The following ATP8A2 variants were observed in gnomAD, a reference collection of about 807,000 sequenced individuals.
ATP8A2 encodes the protein phospholipid-transporting ATPase IB.
ATP8A2 carries 100 observed loss-of-function variants against 165.6 expected under a neutral mutation model. The ratio of observed to expected loss-of-function variants is 0.60; its 90% confidence interval spans 0.51 to 0.71. ATP8A2 has a LOEUF of 0.71. Ranked by LOEUF, ATP8A2 falls within the 30% of genes least tolerant of loss-of-function variation. The pLI, the probability that ATP8A2 is intolerant of heterozygous loss-of-function variation, is 0.00. For synonymous variants in ATP8A2, 543 were observed against 548.8 expected (o/e 0.99, Z 0.15); for missense variants, 1,227 against 1,479.5 (o/e 0.83, Z 2.80).
At chr13:25,425,335 C>A (rs2034414731) in intron 1 of ATP8A2, among the ~76,000 whole-genome samples, 1 of 152,004 alleles carries the variant, frequency 6.6e-6, no homozygotes. Context: ...CCCAGCACCC[C>A]CCAATGCCTG....
At chr13:25,797,871 G>T (rs1950529184) in intron 27 of ATP8A2, among the ~76,000 whole-genome samples, 1 of 152,000 alleles carries the variant, frequency 6.6e-6, no homozygotes, top group South Asian at 2.1e-4. Context: ...ATAACTGAAG[G>T]GAGAAATTGT....
chr13:25,393,133 C>CTTTTTTTT (rs113512127), intron 1 of ATP8A2, among the ~76,000 whole-genome samples: 27 of 138,624 alleles, frequency 1.9e-4, no homozygotes, highest in African/African-American at 6.3e-4. Flanking sequence ...TATTTACATA[C>CTTTTTTTT]TTTTTTTTTT....
At chr13:25,590,757 A>G (rs1370632004) in intron 24 of ATP8A2, among the ~76,000 whole-genome samples, 1 of 152,212 alleles carries the variant, frequency 6.6e-6, no homozygotes, top group Non-Finnish European at 1.5e-5. Context: ...AAGGGAGGCA[A>G]TAAAGTACAG....
At position 25,886,631 on chromosome 13, in the gene ATP8A2, G is replaced by A. The variant is rs306423; in HGVS notation, c.3183+24223G>A. ...GGGAAGCCTCTGAGAGCGCGGCTTC[G>A]TGGGGCAGAGCATCTCCCAGGCCCA... is the stretch of plus-strand genomic sequence containing the variant. On this transcript the variant is annotated intron_variant, in intron 33 of 36. Coordinates refer to ENST00000381655, the MANE Select transcript of ATP8A2 (RefSeq NM_016529.6). Among the ~76,000 whole-genome samples, 717 of 152,318 alleles carry A rather than the reference G, an allele frequency of 4.7e-3. 2 individuals are homozygous for A. The highest frequency in any genetic ancestry group is 0.016 in the African/African-American group (675 of 41,568).
At chr13:25,465,700 TTTCTTTCTTTCTTTCTTTC>T (rs2035626758) in intron 1 of ATP8A2, among the ~76,000 whole-genome samples, 2 of 20,920 alleles carry the variant, frequency 9.6e-5, no homozygotes, top group Non-Finnish European at 2.2e-4. Flanking sequence ...TCTTTCTTTC[TTTCTTTCTTTCTTTCTTTC>T]TTTCTTTCTT....
intron 4 of ATP8A2, among the ~76,000 whole-genome samples, chr13:25,531,385 GATATATATATGATTATATATATGA>G (rs2038087033): frequency 1.7e-4 from 12 of 71,890 alleles, no homozygotes; most frequent in African/African-American, 2.5e-4. Flanking sequence ...TTATATATAT[GATATATATATGATTATATATATGA>G]TTATATATAT....
chr13:25,745,827 T>G (rs217857), intron 25 of ATP8A2, among the ~76,000 whole-genome samples: 1,966 of 152,302 alleles, frequency 0.013, 45 homozygotes, highest in African/African-American at 0.045. Context: ...CCACCTGAGT[T>G]TTTTGAATCA....
At chr13:25,927,153 G>A (rs778212756) in intron 33 of ATP8A2, 5 of 456,636 alleles carry the variant, frequency 1.1e-5, no homozygotes, top group Non-Finnish European at 2.2e-5. Context: ...ACAAACACTA[G>A]CTGGATATTG....
intron 23 of ATP8A2, among the ~76,000 whole-genome samples, chr13:25,584,538 T>C (rs2039866432): frequency 6.6e-6 from 1 of 152,220 alleles, no homozygotes; most frequent in African/African-American, 2.4e-5. Context: ...GTCTGGCAAG[T>C]GCCAGGCACT....
At chr13:25,977,041 A>ACCCCCACCCCCACCCCCC (rs1956061850) in intron 35 of ATP8A2, among the ~76,000 whole-genome samples, 8 of 31,710 alleles carry the variant, frequency 2.5e-4, no homozygotes, top group East Asian at 1.3e-3. Flanking sequence ...CCCCACCCCC[A>ACCCCCACCCCCACCCCCC]CCCCCCTTCC....
Position 25,736,119 on chromosome 13 carries a change from G to A in ATP8A2, c.2385-32927G>A, listed in dbSNP as rs1443851529. ...ATTTGTAGCCTAGGAGCAATAGGCT[G>A]TACCATATAGCCTAGGTGTGTAGTA... On this transcript the variant is annotated intron_variant, in intron 25 of 36. Coordinates refer to ENST00000381655, the MANE Select transcript of ATP8A2 (RefSeq NM_016529.6). 3.9e-5 allele frequency among the ~76,000 whole-genome samples: 6 copies of A among 152,322 alleles called. No individual in the cohort carries two copies. In the East Asian group the frequency reaches 7.7e-4, roughly 20 times the overall value.
intron 25 of ATP8A2, among the ~76,000 whole-genome samples, chr13:25,706,233 G>C (rs916469925): frequency 6.6e-6 from 1 of 152,106 alleles, no homozygotes; most frequent in Admixed American, 6.5e-5. Context: ...CAGTTTAGAG[G>C]TTATTTTGTG....
At chr13:25,468,090 G>C (rs1273419686) in intron 1 of ATP8A2, among the ~76,000 whole-genome samples, 1 of 152,128 alleles carries the variant, frequency 6.6e-6, no homozygotes, top group Non-Finnish European at 1.5e-5. Context: ...TAAGATCTAC[G>C]TGCGGGTACC....
At position 25,860,270 on chromosome 13, in the gene ATP8A2, T is replaced by A; in HGVS notation, c.3018+14T>A. 6.3e-7 allele frequency: 1 copy of A among 1,589,528 alleles called. No homozygotes were observed. Among genetic ancestry groups the A allele is most frequent in the Non-Finnish European group, 8.6e-7 (1 of 1,158,940 alleles). ...ATTGTTTACACAGTAAGTTTATCTCTGTTTATTAAGCCATTCTTAAACAGC... is the reference window on the plus strand; with the variant it reads ...ATTGTTTACACAGTAAGTTTATCTCAGTTTATTAAGCCATTCTTAAACAGC... On this transcript the variant is annotated intron_variant, in intron 31 of 36. Transcript: ENST00000381655.
chr13:25,639,607 T>A (rs570562129), intron 24 of ATP8A2, among the ~76,000 whole-genome samples: 12 of 152,246 alleles, frequency 7.9e-5, no homozygotes, highest in Non-Finnish European at 1.5e-4. Flanking sequence ...ATAAAGCAAG[T>A]CCTTAGAGAA....
chr13:25,956,561 A>G (rs779964539), intron 33 of ATP8A2, among the ~76,000 whole-genome samples: 16 of 152,224 alleles, frequency 1.1e-4, no homozygotes, highest in Non-Finnish European at 1.9e-4. Flanking sequence ...TACAACTTAC[A>G]AGGGACGTGA....
Position 25,610,754 on chromosome 13 carries a change from T to C in ATP8A2, c.2211+21055T>C, listed in dbSNP as rs150718845. Among the ~76,000 whole-genome samples, 65 of 152,134 alleles carry C rather than the reference T, an allele frequency of 4.3e-4. No homozygotes were observed. The East Asian group carries it at 0.01, about 24-fold the overall frequency. On this transcript the variant is annotated intron_variant, in intron 24 of 36. Transcript: ENST00000381655. ...TGTATTTCCATTTGTTTGTGTTGTTTACGATTTCTTTCAGCAGTGTTTTGT... is the reference window on the plus strand; with the variant it reads ...TGTATTTCCATTTGTTTGTGTTGTTCACGATTTCTTTCAGCAGTGTTTTGT...
At chr13:25,713,709 G>A (rs895933918) in intron 25 of ATP8A2, among the ~76,000 whole-genome samples, 1 of 152,160 alleles carries the variant, frequency 6.6e-6, no homozygotes, top group Non-Finnish European at 1.5e-5. Context: ...AAATCCATCT[G>A]TGTGTGTGCT....
chr13:25,528,804 T>A (rs1348523010), intron 2 of ATP8A2, among the ~76,000 whole-genome samples: 2 of 86,516 alleles, frequency 2.3e-5, no homozygotes, highest in Non-Finnish European at 6.3e-5. Flanking sequence ...TATGCACACA[T>A]ATGCAACATG....
Sources: allele counts gnomAD v4.1 joint callset (sites outside exome capture counted in the v4.1 genomes callset), GRCh38; gene constraint gnomAD v4.1.1; transcripts MANE v1.5; gene names NCBI Gene and HGNC (gene_info 2026-07-23, HGNC 2026-07-21).